HNRNPUL1: variants seen among roughly 807,000 people sequenced by gnomAD.
HNRNPUL1 encodes heterogeneous nuclear ribonucleoprotein U like 1.
HNRNPUL1 carries 14 observed loss-of-function variants against 108.5 expected under a neutral mutation model. The observed-to-expected ratio is 0.13, with a 90% CI of 0.09 to 0.20. The LOEUF (loss-of-function observed/expected upper bound fraction) is 0.20. Among genes scored for constraint, HNRNPUL1 ranks in the 10% least tolerant of loss-of-function variants. HNRNPUL1 has a pLI of 1.00. For synonymous variants in HNRNPUL1, 422 were observed against 445.2 expected, an observed-to-expected ratio of 0.95 and a Z score of 0.66; for missense variants, 804 against 1,168.3, an observed-to-expected ratio of 0.69 and a Z score of 4.55.
intron 7 of HNRNPUL1, among the ~76,000 whole-genome samples, chr19:41,281,578 T>C (rs1273622696): frequency 6.6e-6 from 1 of 152,030 alleles, no homozygotes; most frequent in Non-Finnish European, 1.5e-5. Flanking sequence ...ACCTAGGAAT[T>C]TCTTATCTTT....
At chr19:41,284,966 C>A (rs577305863) in intron 7 of HNRNPUL1, among the ~76,000 whole-genome samples, 3 of 147,450 alleles carry the variant, frequency 2.0e-5, no homozygotes, top group Admixed American at 6.8e-5. Context: ...ACTGTACTCC[C>A]GCCTGGGTAA....
chr19:41,280,995 T>C (rs2035867112), intron 6 of HNRNPUL1, 168 bp from the exon 7 acceptor site: 2 of 570,452 alleles, frequency 3.5e-6, no homozygotes, highest in Non-Finnish European at 6.3e-6. Flanking sequence ...TTCTACATCA[T>C]TAAGGGCTTC....
chr19:41,275,363 T>C (rs2035487111), intron 4 of HNRNPUL1, among the ~76,000 whole-genome samples: 2 of 152,234 alleles, frequency 1.3e-5, no homozygotes, highest in South Asian at 2.1e-4. Context: ...GGCATATCCC[T>C]GTAGTCCCAG....
At position 41,292,376 on chromosome 19, in the gene HNRNPUL1, C is replaced by T. The variant is rs377300107; in HGVS notation, c.1131C>T (p.Cys377=). The T allele has an allele frequency of 1.2e-4, 193 of 1,614,036 alleles. No homozygotes were observed. The highest frequency in any genetic ancestry group is 1.5e-4 in the Non-Finnish European group (182 of 1,180,030). ...ATCCTCATGTCCTGGTGAAGAATTGCGCAGTGGAGTTCAACTTCGGACAGA... is the reference window on the plus strand; with the variant it reads ...ATCCTCATGTCCTGGTGAAGAATTGTGCAGTGGAGTTCAACTTCGGACAGA... The part of the protein sequence containing the change: ...ALYPHVLVKN[C]AVEFNFGQRA... Residue 377 remains cysteine, a synonymous_variant, in exon 8 of 15, where the codon TGC becomes TGT. Coordinates refer to ENST00000392006, the MANE Select transcript of HNRNPUL1 (RefSeq NM_007040.6). The surrounding 1 kb of genome is among the most constrained non-coding windows in gnomAD (Gnocchi z 4.1).
Position 41,294,239 on chromosome 19 carries a change from G to GC in HNRNPUL1, c.1267-97dup. ...TTACTGCTTCCGCTTTGTAGAGGCA[G>GC]CCACAGCTCAGAGGTCCAGAGTCAC... On this transcript the variant is annotated intron_variant, in intron 8 of 14. Coordinates refer to ENST00000392006, the MANE Select transcript of HNRNPUL1 (RefSeq NM_007040.6). The surrounding 1 kb of genome is among the most constrained non-coding windows in gnomAD (Gnocchi z 4.3). 1 of 1,388,106 alleles carries GC rather than the reference G, an allele frequency of 7.2e-7. No individual in the cohort carries two copies. The highest frequency in any genetic ancestry group is 1.0e-6 in the Non-Finnish European group (1 of 996,454). The allele number at this position is 1,388,106 out of a possible 1,614,324, so 86.0% of individuals were successfully genotyped here.
Position 41,307,120 on chromosome 19 carries a change from A to G in HNRNPUL1, c.*555A>G, listed in dbSNP as rs990552603. 2.0e-5 allele frequency: 3 copies of G among 151,706 alleles called. No individual in the cohort carries two copies. The highest frequency in any genetic ancestry group is 2.0e-4 in the Admixed American group (3 of 15,202). 9.4% of individuals were successfully genotyped at this position (151,706 alleles called of 1,614,324 possible). On this transcript the variant is annotated 3_prime_UTR_variant, in exon 15 of 15. Coordinates refer to ENST00000392006, the MANE Select transcript of HNRNPUL1 (RefSeq NM_007040.6). ...TTTGGTAATTATGCGCTTTTTTTTAATTTTTAGAATTTGTCTTTTTACTGT... is the reference window on the plus strand; with the variant it reads ...TTTGGTAATTATGCGCTTTTTTTTAGTTTTTAGAATTTGTCTTTTTACTGT...
At chr19:41,301,472 C>A in intron 10 of HNRNPUL1, 64 bp from the exon 11 acceptor site, 1 of 1,416,270 alleles carries the variant, frequency 7.1e-7, no homozygotes, top group Non-Finnish European at 9.7e-7. Flanking sequence ...ACATAATACC[C>A]CTCAGAGGAA....
chr19:41,265,325 T>C (rs2034759918), intron 1 of HNRNPUL1: 2 of 888,066 alleles, frequency 2.3e-6, no homozygotes, highest in East Asian at 6.9e-5. Flanking sequence ...GATGCGATCC[T>C]GGGCGTTCTC....
At chr19:41,290,487 T>C (rs918431189) in intron 7 of HNRNPUL1, among the ~76,000 whole-genome samples, 9 of 151,858 alleles carry the variant, frequency 5.9e-5, no homozygotes, top group African/African-American at 1.9e-4. Flanking sequence ...TAAATTAGAG[T>C]CCCTCACATG....
At position 41,292,349 on chromosome 19, in the gene HNRNPUL1, C is replaced by T. The variant is rs1296410170; in HGVS notation, c.1104C>T (p.Leu368=). Reference sequence around the variant, plus strand: ...AGGAAGCCTTGGGGGGTCAGGCCCTCTATCCTCATGTCCTGGTGAAGAATT... The same window carrying T: ...AGGAAGCCTTGGGGGGTCAGGCCCTTTATCCTCATGTCCTGGTGAAGAATT... ...IQKEALGGQA[L]YPHVLVKNCA... is the part of the protein sequence containing the mutation. Residue 368 remains leucine (L), a synonymous_variant, in exon 8 of 15, where the codon CTC becomes CTT. Transcript: ENST00000392006. The surrounding 1 kb of genome is among the most constrained non-coding windows in gnomAD (Gnocchi z 4.1). The T allele has an allele frequency of 3.7e-6, 6 of 1,614,230 alleles. 1 individual carries two copies. In the Admixed American group the frequency reaches 5.0e-5, roughly 13 times the overall value.
At chr19:41,282,728 C>T (rs1300898915) in intron 7 of HNRNPUL1, among the ~76,000 whole-genome samples, 1 of 140,124 alleles carries the variant, frequency 7.1e-6, no homozygotes, top group Admixed American at 7.3e-5. Flanking sequence ...CTCGCTCTGT[C>T]GCCCAGGCTG....
At chr19:41,267,871 C>G (rs1460208613) in intron 1 of HNRNPUL1, among the ~76,000 whole-genome samples, 1 of 152,222 alleles carries the variant, frequency 6.6e-6, no homozygotes, top group Non-Finnish European at 1.5e-5. Flanking sequence ...ATTCTCCATT[C>G]TCATCACTGA....
intron 3 of HNRNPUL1, among the ~76,000 whole-genome samples, chr19:41,273,736 A>C (rs2035380829): frequency 6.6e-6 from 1 of 152,182 alleles, no homozygotes; most frequent in African/African-American, 2.4e-5. Flanking sequence ...TCCCTAAATG[A>C]TTCTGATGCC....
At chr19:41,263,079 A>G (rs1358929236), upstream of HNRNPUL1, 3 of 151,456 alleles carry the variant, frequency 2.0e-5, no homozygotes, top group Non-Finnish European at 4.4e-5. Flanking sequence ...CAAAAAAAAG[A>G]ACTGGATGCG....
chr19:41,288,524 G>A (rs1010612420), intron 7 of HNRNPUL1, among the ~76,000 whole-genome samples: 10 of 152,068 alleles, frequency 6.6e-5, no homozygotes, highest in African/African-American at 1.9e-4. Context: ...GATTACAAGC[G>A]TGAGCCACCA....
chr19:41,296,219 A>G (rs1157840980), intron 10 of HNRNPUL1, among the ~76,000 whole-genome samples: 1 of 152,206 alleles, frequency 6.6e-6, no homozygotes, highest in Non-Finnish European at 1.5e-5. Context: ...TCTAGAGTGG[A>G]TCGTCTAACA....
Position 41,294,193 on chromosome 19 carries a change from A to G in HNRNPUL1, c.1267-145A>G. The stretch of plus-strand genomic sequence containing the variant: ...CCTGATCTTTTTGAATCCCGATACC[A>G]GTACTGTGAGGTAGATGGTATTACT... On this transcript the variant is annotated intron_variant, in intron 8 of 14. Coordinates refer to ENST00000392006, the MANE Select transcript of HNRNPUL1 (RefSeq NM_007040.6). This position sits in a 1 kb window ranked among gnomAD's most constrained non-coding sequence, Gnocchi z 4.3. 2.5e-6 allele frequency: 2 copies of G among 809,842 alleles called. No homozygotes were observed. Among genetic ancestry groups the G allele is most frequent in the South Asian group, 3.3e-5 (2 of 59,814 alleles). 50.2% of individuals were successfully genotyped at this position (809,842 alleles called of 1,614,324 possible).
At position 41,292,651 on chromosome 19, in the gene HNRNPUL1, C is replaced by T. The variant is rs536368149; in HGVS notation, c.1266+140C>T. On this transcript the variant is annotated intron_variant, in intron 8 of 14. Transcript: ENST00000392006. The surrounding 1 kb of genome is among the most constrained non-coding windows in gnomAD (Gnocchi z 4.1). ...TGTCCCAGCTCCTCAGGGTTGGACTCAGAGCTGAAAAGCTGCTCTGAGTGT... is the reference window on the plus strand; with the variant it reads ...TGTCCCAGCTCCTCAGGGTTGGACTTAGAGCTGAAAAGCTGCTCTGAGTGT... 2.8e-6 allele frequency: 3 copies of T among 1,069,434 alleles called. No homozygotes were observed. The highest frequency in any genetic ancestry group is 4.1e-6 in the Non-Finnish European group (3 of 726,912). 66.2% of individuals were successfully genotyped at this position (1,069,434 alleles called of 1,614,324 possible).
intron 14 of HNRNPUL1, 73 bp from the exon 15 acceptor site, chr19:41,306,376 G>T: frequency 1.0e-6 from 1 of 960,562 alleles, no homozygotes; most frequent in South Asian, 1.8e-5. Flanking sequence ...CCCTAGGTGA[G>T]GGTGGGGCTG....
Sources: allele counts gnomAD v4.1 joint callset (sites outside exome capture counted in the v4.1 genomes callset), GRCh38; gene constraint gnomAD v4.1.1; non-coding constraint Gnocchi (gnomAD v3.1); transcripts MANE v1.5; gene names NCBI Gene and HGNC (gene_info 2026-07-23, HGNC 2026-07-21).